Variants in PPP2R2C observed in about 807,000 individuals in gnomAD.
PPP2R2C encodes protein phosphatase 2, regulatory subunit B, gamma.
PPP2R2C carries 10 observed loss-of-function variants against 45.3 expected under a neutral mutation model. That is an observed-to-expected ratio of 0.22 (90% CI 0.14 to 0.37). The LOEUF (loss-of-function observed/expected upper bound fraction) is 0.37, where lower values mean the gene tolerates loss of function less well. Among genes scored for constraint, PPP2R2C ranks in the 10% least tolerant of loss-of-function variants. The pLI is 1.00. For synonymous variants in PPP2R2C, 257 were observed against 245.4 expected (o/e 1.05, Z -0.44); for missense variants, 308 against 619.7 (o/e 0.50, Z 5.34).
intron 2 of PPP2R2C, among the ~76,000 whole-genome samples, chr4:6,530,369 T>A (rs781653395): frequency 4.6e-5 from 7 of 152,164 alleles, no homozygotes; most frequent in South Asian, 2.1e-4. Context: ...CCACCGCACC[T>A]GCACTGACTT....
At chr4:6,535,145 G>T in intron 2 of PPP2R2C, 1 of 1,120,846 alleles carries the variant, frequency 8.9e-7, no homozygotes, top group Non-Finnish European at 1.3e-6. Flanking sequence ...GGGAGGGACC[G>T]GATCCCAGCA....
intron 1 of PPP2R2C, among the ~76,000 whole-genome samples, chr4:6,391,760 G>A (rs974850259): frequency 6.6e-6 from 1 of 152,228 alleles, no homozygotes; most frequent in African/African-American, 2.4e-5. Flanking sequence ...GGAAGCCCTG[G>A]GTGGGGCTGG....
intron 1 of PPP2R2C, among the ~76,000 whole-genome samples, chr4:6,465,945 TC>T (rs140098265): frequency 0.09 from 13,651 of 152,252 alleles, 816 homozygotes; most frequent in Non-Finnish European, 0.13. Context: ...GCCCTCTTTT[TC>T]CCTTCCCTTC....
chr4:6,374,797 C>T (rs561311155), intron 4 of PPP2R2C, among the ~76,000 whole-genome samples: 4 of 152,262 alleles, frequency 2.6e-5, no homozygotes, highest in South Asian at 4.2e-4. Context: ...CGGGGCCTAG[C>T]GTGGAGCAGC....
At chr4:6,509,754 T>C (rs896230740) in intron 2 of PPP2R2C, among the ~76,000 whole-genome samples, 5 of 152,200 alleles carry the variant, frequency 3.3e-5, no homozygotes, top group Admixed American at 6.5e-5. Flanking sequence ...CCATACCTTC[T>C]AGCTGGGTGG....
chr4:6,410,549 C>T (rs759057241), intron 1 of PPP2R2C, among the ~76,000 whole-genome samples: 1 of 152,084 alleles, frequency 6.6e-6, no homozygotes, highest in Non-Finnish European at 1.5e-5. Context: ...GAGAGGCACG[C>T]CAGGTGGTAG....
chr4:6,524,221 C>T (rs1724121530), intron 2 of PPP2R2C, among the ~76,000 whole-genome samples: 1 of 152,096 alleles, frequency 6.6e-6, no homozygotes, highest in Admixed American at 6.5e-5. Flanking sequence ...TGTGCCCAGT[C>T]AGAAGGAATG....
At chr4:6,510,990 C>CAAAAAAAAAAAAAAAAAA (rs1389589810) in intron 2 of PPP2R2C, among the ~76,000 whole-genome samples, 1 of 130,910 alleles carries the variant, frequency 7.6e-6, no homozygotes, top group East Asian at 2.2e-4. Context: ...CAAAAAAAAA[C>CAAAAAAAAAAAAAAAAAA]AAACAAACAA....
At chr4:6,546,267 G>A (rs192740572) in intron 1 of PPP2R2C, among the ~76,000 whole-genome samples, 10 of 152,220 alleles carry the variant, frequency 6.6e-5, no homozygotes, top group South Asian at 2.1e-4. Context: ...GCAAGGCAGG[G>A]TTGAGTTGGA....
In PPP2R2C at chr4:6,372,731, G is replaced by GA. The variant is rs746528384; in HGVS notation, c.448-32dup. The GA allele has an allele frequency of 8.7e-6, 14 of 1,606,762 alleles. 1 individual carries two copies. The South Asian group carries it at 1.5e-4, about 18-fold the overall frequency. On this transcript the variant is annotated intron_variant, in intron 4 of 8. Transcript: ENST00000382599. ...GAGGATGAGGAGGCAGGGAAGAGGT[G>GA]AAGGCCAGGTGGTGGCATCAGGACA...
intron 1 of PPP2R2C, among the ~76,000 whole-genome samples, chr4:6,450,617 C>T (rs1474243591): frequency 1.3e-5 from 2 of 152,186 alleles, no homozygotes; most frequent in Non-Finnish European, 2.9e-5. Context: ...ACACAGCACC[C>T]ACCCAGGCAG....
intron 1 of PPP2R2C, among the ~76,000 whole-genome samples, chr4:6,423,797 A>G (rs1461468189): frequency 2.0e-5 from 3 of 152,206 alleles, no homozygotes; most frequent in Non-Finnish European, 4.4e-5. Flanking sequence ...AGGTAGTGGT[A>G]TGAGCAGAGG....
chr4:6,378,635 C>T lies in PPP2R2C; in HGVS notation c.169-63G>A. On this transcript the variant is annotated intron_variant, in intron 2 of 8. Coordinates refer to ENST00000382599, the MANE Select transcript of PPP2R2C (RefSeq NM_020416.4). The surrounding 1 kb of genome is among the most constrained non-coding windows in gnomAD (Gnocchi z 5.2). ...ACCTGCAGGGCGACGGCTAGGACCTCCGGGGACCCAGCAGGGCCGGCCGTG... is the reference window on the plus strand; with the variant it reads ...ACCTGCAGGGCGACGGCTAGGACCTTCGGGGACCCAGCAGGGCCGGCCGTG... 1.3e-6 allele frequency: 2 copies of T among 1,543,912 alleles called. No homozygotes were observed. Among genetic ancestry groups the T allele is most frequent in the Non-Finnish European group, 1.8e-6 (2 of 1,140,084 alleles).
chr4:6,360,995 G>A (rs1713680061), intron 5 of PPP2R2C, among the ~76,000 whole-genome samples: 1 of 152,088 alleles, frequency 6.6e-6, no homozygotes, highest in South Asian at 2.1e-4. Context: ...ATTGGATTAG[G>A]GTCTACCCTG....
chr4:6,554,943 GAAAGAA>G (rs1172043648), intron 1 of PPP2R2C, among the ~76,000 whole-genome samples: 1 of 114,484 alleles, frequency 8.7e-6, no homozygotes, highest in Non-Finnish European at 1.8e-5. Flanking sequence ...AAGAAAGAAA[GAAAGAA>G]AGAAAGAAAG....
In PPP2R2C at chr4:6,399,080, A is replaced by G. The variant is rs575989004; in HGVS notation, c.71-17986T>C. On this transcript the variant is annotated intron_variant, in intron 1 of 8. Transcript: ENST00000382599. ...ACCAAAGGCAAATCACTGGCTACCC[A>G]GGGTGCAGGGCAGAGATAGGAATGG... Among the ~76,000 whole-genome samples the G allele has an allele frequency of 3.3e-5, 5 of 152,338 alleles. No individual in the cohort carries two copies. In the South Asian group the frequency reaches 1.0e-3, roughly 32 times the overall value.
intron 1 of PPP2R2C, among the ~76,000 whole-genome samples, chr4:6,410,190 G>A (rs2109365732): frequency 6.6e-6 from 1 of 152,350 alleles, no homozygotes; most frequent in East Asian, 1.9e-4. Flanking sequence ...TGATGAAGCA[G>A]AGTGTGAGCT....
At chr4:6,376,016 G>A in intron 3 of PPP2R2C, 85 bp from the exon 4 acceptor site, 1 of 1,159,372 alleles carries the variant, frequency 8.6e-7, no homozygotes, top group South Asian at 1.4e-5. Flanking sequence ...GTGAAATCAT[G>A]AGGCACCTCC....
At chr4:6,323,999 G>A (rs1731741744) in intron 8 of PPP2R2C, among the ~76,000 whole-genome samples, 1 of 152,124 alleles carries the variant, frequency 6.6e-6, no homozygotes, top group South Asian at 2.1e-4. Context: ...ATCACTCCCT[G>A]GAAAGGGAAA....
Sources: gnomAD v4.1 joint callset for allele counts (sites outside exome capture counted in the v4.1 genomes callset) on GRCh38, gnomAD v4.1.1 for gene constraint, Gnocchi (gnomAD v3.1) non-coding constraint, MANE v1.5 for transcripts, NCBI Gene and HGNC (gene_info 2026-07-23, HGNC 2026-07-21) for gene names.